The following CXADR variants were observed in gnomAD, a reference collection of about 807,000 sequenced individuals.
CXADR encodes the protein CXADR cell adhesion molecule, also known as coxsackievirus and adenovirus receptor.
Under a neutral mutation model 40.3 loss-of-function variants are expected in CXADR, and 20 were observed. The observed-to-expected ratio is 0.50, with a 90% CI of 0.35 to 0.72. The LOEUF (loss-of-function observed/expected upper bound fraction) is 0.72, where lower values mean the gene tolerates loss of function less well. Ranked by LOEUF, CXADR falls within the 30% of genes least tolerant of loss-of-function variation. The pLI, the probability that CXADR is intolerant of heterozygous loss-of-function variation, is 0.01. For missense variants in CXADR, 332 were observed against 449.1 expected, an observed-to-expected ratio of 0.74 and a Z score of 2.36; for synonymous variants, 150 against 161.3, an observed-to-expected ratio of 0.93 and a Z score of 0.53.
At chr21:17,537,278 A>T (rs763561217) in intron 1 of CXADR, among the ~76,000 whole-genome samples, 1 of 152,048 alleles carries the variant, frequency 6.6e-6, no homozygotes, top group African/African-American at 2.4e-5. Flanking sequence ...TTTGTTGTCA[A>T]TTTTTTTCAC....
intron 1 of CXADR, chr21:17,542,992 T>C (rs757727595): frequency 5.8e-6 from 2 of 347,182 alleles, no homozygotes; most frequent in Non-Finnish European, 1.2e-5. Flanking sequence ...CAGGAACTGT[T>C]TTATATGATC....
chr21:17,577,612 C>CTTTTTTTTTTTTT (rs532541050), intron 7 of CXADR, among the ~76,000 whole-genome samples: 510 of 36,586 alleles, frequency 0.014, 53 homozygotes, highest in Middle Eastern at 0.036. Flanking sequence ...ATTCTGCAAG[C>CTTTTTTTTTTTTT]TTTTTTTTTT....
chr21:17,576,250 A>G (rs1041688584), intron 7 of CXADR, among the ~76,000 whole-genome samples: 1 of 152,174 alleles, frequency 6.6e-6, no homozygotes, highest in Non-Finnish European at 1.5e-5. Flanking sequence ...TACTTTGGTC[A>G]GGATAACACC....
At chr21:17,602,673 A>G in the CXADR span, among the ~76,000 whole-genome samples, 1 of 152,186 alleles carries the variant, frequency 6.6e-6, no homozygotes, top group East Asian at 1.9e-4. Flanking sequence ...TTTACATATA[A>G]ATTAGAAGCC....
rs1331947082 is a variant in CXADR at position 17,560,802 on chromosome 21, G to C, written c.672G>C (p.Leu224=). 1 of 1,613,800 alleles carries C rather than the reference G, an allele frequency of 6.2e-7. No individual in the cohort carries two copies. The highest frequency in any genetic ancestry group is 1.3e-5 in the African/African-American group (1 of 74,920). ...VRNRVGSDQC[L]LRLNVVPPSN... is the part of the protein sequence containing the mutation. The stretch of plus-strand genomic sequence containing the variant: ...ACAGAGTGGGCTCTGATCAGTGCCT[G>C]TTGCGTCTAAACGTTGTCCCTCGTA... The change falls in exon 5 of 7, where the codon CTG becomes CTC. Residue 224 remains leucine (L), a synonymous_variant. Transcript: ENST00000284878.
chr21:17,533,333 TAGA>T (rs1450786405), intron 1 of CXADR, among the ~76,000 whole-genome samples: 1 of 152,174 alleles, frequency 6.6e-6, no homozygotes, highest in Non-Finnish European at 1.5e-5. Context: ...AAATGTAGCA[TAGA>T]AGAAGAGTAT....
chr21:17,592,450 A>G (rs1253204448), intron 7 of CXADR, among the ~76,000 whole-genome samples: 1 of 151,876 alleles, frequency 6.6e-6, no homozygotes, highest in Non-Finnish European at 1.5e-5. Context: ...CAGATGAAAA[A>G]CCTACAGATG....
At position 17,547,044 on chromosome 21, in the gene CXADR, A is replaced by G; in HGVS notation, c.61A>G (p.Ser21Gly). Reference sequence around the variant, plus strand: ...TTCTCTAGATTTCGCCAGAAGTTTGAGTATCACTACTCCTGAAGAGATGAT... The same window carrying G: ...TTCTCTAGATTTCGCCAGAAGTTTGGGTATCACTACTCCTGAAGAGATGAT... ...CGVVDFARSL[S>G]ITTPEEMIEK... Residue 21 changes from serine to glycine, a missense_variant, in exon 2 of 7, where the codon AGT (serine) becomes GGT (glycine). Around this residue, in one of 3 missense-constraint regions of CXADR, gnomAD observed 162 missense variants for 198.5 expected, o/e 0.82. Coordinates refer to ENST00000284878, the MANE Select transcript of CXADR (RefSeq NM_001338.5). 1 of 1,612,864 alleles carries G rather than the reference A, an allele frequency of 6.2e-7. No homozygotes were observed. The highest frequency in any genetic ancestry group is 8.5e-7 in the Non-Finnish European group (1 of 1,179,894).
chr21:17,531,492 C>G (rs1331439434), intron 1 of CXADR, among the ~76,000 whole-genome samples: 1 of 151,972 alleles, frequency 6.6e-6, no homozygotes, highest in Non-Finnish European at 1.5e-5. Flanking sequence ...TTTGGCACAT[C>G]CCAGTATATC....
At chr21:17,610,136 G>C in the CXADR span, among the ~76,000 whole-genome samples, 2 of 152,154 alleles carry the variant, frequency 1.3e-5, no homozygotes, top group Non-Finnish European at 1.5e-5. Flanking sequence ...AATCTATATA[G>C]ACAGAAGACA....
At chr21:17,526,525 A>G (rs1166603117) in intron 1 of CXADR, among the ~76,000 whole-genome samples, 1 of 152,312 alleles carries the variant, frequency 6.6e-6, no homozygotes, top group East Asian at 1.9e-4. Context: ...AAATAAATGC[A>G]TTTATGGAAA....
At chr21:17,601,119 C>G in the CXADR span, among the ~76,000 whole-genome samples, 1 of 138,522 alleles carries the variant, frequency 7.2e-6, no homozygotes, top group Non-Finnish European at 1.6e-5. Context: ...GCTGAGATCG[C>G]ACCACTGCAC....
the CXADR span, chr21:17,608,882 T>C: frequency 2.4e-6 from 3 of 1,258,108 alleles, no homozygotes; most frequent in Non-Finnish European, 3.3e-6. Flanking sequence ...GAAACACCTG[T>C]AGGCATGGTC....
Position 17,516,474 on chromosome 21 carries a change from G to A in CXADR, c.43+3302G>A, listed in dbSNP as rs62239872. Among the ~76,000 whole-genome samples, 929 of 152,324 alleles carry A rather than the reference G, an allele frequency of 6.1e-3. 5 individuals are homozygous for A. The highest frequency in any genetic ancestry group is 0.011 in the Non-Finnish European group (716 of 68,032). On this transcript the variant is annotated intron_variant, in intron 1 of 6. Coordinates refer to ENST00000284878, the MANE Select transcript of CXADR (RefSeq NM_001338.5). ...CACTAGTTTCTCCAGGGCTTGGGTT[G>A]ACATTGTAAACTAATGTGGCCTAGG...
At chr21:17,604,673 A>G in the CXADR span, among the ~76,000 whole-genome samples, 3 of 152,364 alleles carry the variant, frequency 2.0e-5, no homozygotes, top group Non-Finnish European at 4.4e-5. Flanking sequence ...TTTTTCGGCT[A>G]TAAAGCAGAA....
chr21:17,630,755 TTTAAG>T, the CXADR span, among the ~76,000 whole-genome samples: 4 of 151,680 alleles, frequency 2.6e-5, no homozygotes, highest in African/African-American at 9.7e-5. Context: ...TAATATTCAT[TTTAAG>T]TTATTTTTCT....
At chr21:17,607,550 G>C in the CXADR span, among the ~76,000 whole-genome samples, 4 of 152,106 alleles carry the variant, frequency 2.6e-5, no homozygotes, top group Admixed American at 2.6e-4. Context: ...CTTGTCAATA[G>C]AACACAAGCT....
Position 17,559,071 on chromosome 21 carries a change from T to C in CXADR, c.511T>C (p.Leu171=). The C allele has an allele frequency of 1.9e-6, 3 of 1,614,104 alleles. No homozygotes were observed. The Admixed American group carries it at 5.0e-5, about 27-fold the overall frequency. Residue 171 remains leucine (L), a synonymous_variant, in exon 4 of 7, where the codon TTA becomes CTA. Transcript: ENST00000284878. ...TGAACCAAAAGAAGGTTCACTTCCATTACAGTATGAGTGGCAAAAATTGTC... is the reference window on the plus strand; with the variant it reads ...TGAACCAAAAGAAGGTTCACTTCCACTACAGTATGAGTGGCAAAAATTGTC... ...KCEPKEGSLP[L]QYEWQKLSDS...
chr21:17,557,671 G>A (rs35285384), intron 3 of CXADR, among the ~76,000 whole-genome samples: 5,414 of 152,190 alleles, frequency 0.036, 323 homozygotes, highest in African/African-American at 0.12. Context: ...TACAATAACG[G>A]CTCAATCTCA....
Sources: gnomAD v4.1 joint callset for allele counts (sites outside exome capture counted in the v4.1 genomes callset) on GRCh38, gnomAD v4.1.1 for gene constraint, gnomAD v4.1.1 regional missense constraint, MANE v1.5 for transcripts, NCBI Gene and HGNC (gene_info 2026-07-23, HGNC 2026-07-21) for gene names.